IKZF2: variants seen among roughly 807,000 people sequenced by gnomAD.
IKZF2 encodes IKAROS family zinc finger 2.
In IKZF2, 15 loss-of-function variants were observed where a neutral mutation model predicts 49.2. The observed-to-expected ratio is 0.30, with a 90% confidence interval of 0.20 to 0.47. The LOEUF is 0.47. Ranked by LOEUF, IKZF2 falls within the 20% of genes least tolerant of loss-of-function variation. The pLI is 1.00. For missense variants in IKZF2, 567 were observed against 664.6 expected (o/e 0.85, Z 1.61); for synonymous variants, 227 against 221.4 (o/e 1.03, Z -0.23).
At chr2:213,047,245 A>T (rs1700233756) in intron 6 of IKZF2, among the ~76,000 whole-genome samples, 1 of 152,156 alleles carries the variant, frequency 6.6e-6, no homozygotes, top group Admixed American at 6.6e-5. Flanking sequence ...AAATACAATT[A>T]GCGCAAATCT....
At chr2:213,008,937 T>C (rs1695645379) in intron 8 of IKZF2, among the ~76,000 whole-genome samples, 2 of 152,084 alleles carry the variant, frequency 1.3e-5, no homozygotes, top group Admixed American at 1.3e-4. Context: ...AAAATACTTT[T>C]AAAAGTAGTA....
rs1425720680 is a variant in IKZF2, at chr2:213,007,641, G to A, written c.1300C>T (p.Pro434Ser). 1 of 1,613,674 alleles carries A rather than the reference G, an allele frequency of 6.2e-7. No individual in the cohort carries two copies. The highest frequency in any genetic ancestry group is 8.5e-7 in the Non-Finnish European group (1 of 1,179,746). ...PALNPKRKQS[P>S]AYMKEDVKAL... ...TTGACATCCTCCTTCATGTAAGCTG[G>A]GCTTTGTTTCCTCTTGGGATTTAAG... is the stretch of plus-strand genomic sequence containing the variant. The change falls in exon 9 of 9, where the codon CCA (proline) becomes TCA (serine). Residue 434 changes from proline to serine, a missense_variant. Transcript: ENST00000434687.
At chr2:213,057,194 G>A (rs756272361) in intron 4 of IKZF2, 95 bp from the exon 5 acceptor site, 1 of 1,065,362 alleles carries the variant, frequency 9.4e-7, no homozygotes, top group Non-Finnish European at 1.3e-6. Flanking sequence ...CTAAATGGAT[G>A]AAAATGATAT....
chr2:213,041,957 T>C (rs1422915732), intron 6 of IKZF2, among the ~76,000 whole-genome samples: 1 of 152,144 alleles, frequency 6.6e-6, no homozygotes, highest in Non-Finnish European at 1.5e-5. Context: ...GGTGTGGTAG[T>C]AGTGACTGAT....
chr2:213,127,757 G>A (rs2060316306), intron 4 of IKZF2, among the ~76,000 whole-genome samples: 1 of 152,072 alleles, frequency 6.6e-6, no homozygotes, highest in Non-Finnish European at 1.5e-5. Context: ...TCTATCATCA[G>A]AATTTTTGGT....
rs1428109103 is a variant in IKZF2, at chr2:213,049,738, G to C, written c.549C>G (p.Leu183=). ...CAGAATGGGTCCTGAGGTGTCCTGT[G>C]AGGGCGTCCCTTCTTCTACAGGCGT... The part of the protein sequence containing the change: ...CSYACRRRDA[L]TGHLRTHSVG... The change falls in exon 6 of 9, where the codon CTC becomes CTG. Residue 183 remains leucine, a synonymous_variant. Coordinates refer to ENST00000434687, the MANE Select transcript of IKZF2 (RefSeq NM_001387220.1). The C allele has an allele frequency of 1.9e-6, 3 of 1,607,448 alleles. No homozygotes were observed. In the East Asian group the frequency reaches 6.7e-5, roughly 36 times the overall value.
At chr2:213,010,329 C>A (rs531140361) in intron 8 of IKZF2, among the ~76,000 whole-genome samples, 10 of 152,076 alleles carry the variant, frequency 6.6e-5, no homozygotes, top group Admixed American at 5.2e-4. Flanking sequence ...AAAAATAGAA[C>A]CTGGAATAAC....
At chr2:213,019,472 T>G (rs1198353410) in intron 7 of IKZF2, among the ~76,000 whole-genome samples, 1 of 152,210 alleles carries the variant, frequency 6.6e-6, no homozygotes, top group Non-Finnish European at 1.5e-5. Context: ...TTACAGTATT[T>G]ATCAACTCCT....
chr2:213,005,195 G>GGGGGGC lies in IKZF2; in HGVS notation c.*2164_*2165insGCCCCC, dbSNP rs1695238950. 2 of 130,810 alleles carry GGGGGGC rather than the reference G, an allele frequency of 1.5e-5. No individual in the cohort carries two copies. Among genetic ancestry groups the GGGGGGC allele is most frequent in the Non-Finnish European group, 3.3e-5 (2 of 60,808 alleles). 8.1% of individuals were successfully genotyped at this position (130,810 alleles called of 1,614,324 possible). On this transcript the variant is annotated 3_prime_UTR_variant, in exon 9 of 9. Transcript: ENST00000434687. The stretch of plus-strand genomic sequence containing the variant: ...TATTATTTGGGAGTGGTTGGGTGGG[G>GGGGGGC]GGGGGTGAGCGAGTCTCAAAAACAT...
At chr2:213,035,487 A>T in intron 6 of IKZF2, among the ~76,000 whole-genome samples, 1 of 152,196 alleles carries the variant, frequency 6.6e-6, no homozygotes, top group East Asian at 1.9e-4. Flanking sequence ...TAGAGATAGC[A>T]AAATAGAACT....
intron 4 of IKZF2, among the ~76,000 whole-genome samples, chr2:213,139,342 C>G (rs1481282297): frequency 1.3e-5 from 2 of 151,892 alleles, no homozygotes; most frequent in Non-Finnish European, 2.9e-5. Flanking sequence ...CCATAATTAT[C>G]CAAATAGCAA....
chr2:213,131,485 A>G (rs953494789), intron 4 of IKZF2, among the ~76,000 whole-genome samples: 1 of 152,210 alleles, frequency 6.6e-6, no homozygotes, highest in Non-Finnish European at 1.5e-5. Flanking sequence ...AGATTTTCCA[A>G]TAATACCTCT....
intron 6 of IKZF2, among the ~76,000 whole-genome samples, chr2:213,039,273 G>C (rs555237579): frequency 6.6e-6 from 1 of 151,936 alleles, no homozygotes; most frequent in Non-Finnish European, 1.5e-5. Context: ...ACTAGTATAA[G>C]CATTCAATAT....
At chr2:213,022,808 T>C (rs1452179490) in intron 6 of IKZF2, among the ~76,000 whole-genome samples, 1 of 152,138 alleles carries the variant, frequency 6.6e-6, no homozygotes, top group African/African-American at 2.4e-5. Context: ...AATATGTAGT[T>C]ACAAAATGAC....
At chr2:213,010,362 A>G (rs181358044) in intron 8 of IKZF2, among the ~76,000 whole-genome samples, 9 of 152,066 alleles carry the variant, frequency 5.9e-5, no homozygotes, top group Non-Finnish European at 1.2e-4. Flanking sequence ...CTGCCTACTC[A>G]TAGATCAGGG....
chr2:213,149,236 T>A (rs1418759157), intron 2 of IKZF2, among the ~76,000 whole-genome samples: 1 of 152,198 alleles, frequency 6.6e-6, no homozygotes, highest in Admixed American at 6.5e-5. Flanking sequence ...AAGCACCTGT[T>A]CAATGTAACC....
chr2:213,087,487 C>T (rs187419585), intron 4 of IKZF2, among the ~76,000 whole-genome samples: 29 of 152,132 alleles, frequency 1.9e-4, no homozygotes, highest in Admixed American at 9.2e-4. Context: ...AAATGACTAT[C>T]CATTACTAAT....
intron 4 of IKZF2, among the ~76,000 whole-genome samples, chr2:213,085,300 C>T (rs762796476): frequency 6.6e-6 from 1 of 152,050 alleles, no homozygotes; most frequent in Non-Finnish European, 1.5e-5. Context: ...AAACAAAAAG[C>T]CTTTTGGACA....
chr2:213,009,838 C>T (rs908881656), intron 8 of IKZF2, among the ~76,000 whole-genome samples: 1 of 151,886 alleles, frequency 6.6e-6, no homozygotes, highest in Non-Finnish European at 1.5e-5. Context: ...TAAACATAGC[C>T]AAGTGAAGAA....
Sources: gnomAD v4.1 joint callset for allele counts (sites outside exome capture counted in the v4.1 genomes callset) on GRCh38, gnomAD v4.1.1 for gene constraint, MANE v1.5 for transcripts, NCBI Gene and HGNC (gene_info 2026-07-23, HGNC 2026-07-21) for gene names.